RTN1: variants seen among roughly 807,000 people sequenced by gnomAD.
RTN1 encodes the protein reticulon-1.
RTN1 carries 25 observed loss-of-function variants against 65.5 expected under a neutral mutation model. The ratio of observed to expected loss-of-function variants is 0.38; its 90% CI spans 0.28 to 0.53. The LOEUF (loss-of-function observed/expected upper bound fraction) is 0.53. RTN1 is among the 20% of genes least tolerant of loss of function. RTN1 has a pLI of 0.79. For synonymous variants in RTN1, 471 were observed against 447.6 expected, an observed-to-expected ratio of 1.05 and a Z score of -0.66; for missense variants, 983 against 1,025.4, an observed-to-expected ratio of 0.96 and a Z score of 0.57.
intron 1 of RTN1, among the ~76,000 whole-genome samples, chr14:59,779,873 G>A (rs922378994): frequency 2.0e-5 from 3 of 152,122 alleles, no homozygotes; most frequent in Non-Finnish European, 2.9e-5. Flanking sequence ...TGCAGTCTCA[G>A]AGGAGACCAT....
chr14:59,862,149 T>G (rs928731521), intron 1 of RTN1, among the ~76,000 whole-genome samples: 5 of 152,234 alleles, frequency 3.3e-5, no homozygotes, highest in African/African-American at 9.6e-5. Flanking sequence ...CTATACATAT[T>G]AAATAGAATT....
intron 3 of RTN1, among the ~76,000 whole-genome samples, chr14:59,721,637 C>A (rs754050765): frequency 6.5e-4 from 99 of 152,306 alleles, no homozygotes; most frequent in Non-Finnish European, 1.1e-3. Flanking sequence ...TCCTTGCTAG[C>A]TTAAAGAAAT....
chr14:59,669,376 G>A (rs997622588), intron 3 of RTN1, among the ~76,000 whole-genome samples: 2 of 151,954 alleles, frequency 1.3e-5, no homozygotes, highest in African/African-American at 2.4e-5. Flanking sequence ...AACACTGCAT[G>A]TTCTCACTCA....
At chr14:59,754,201 T>G (rs1054914861) in intron 1 of RTN1, among the ~76,000 whole-genome samples, 1 of 152,172 alleles carries the variant, frequency 6.6e-6, no homozygotes, top group South Asian at 2.1e-4. Context: ...AATCCCAATA[T>G]GTGTTGATAA....
At chr14:59,654,851 A>G (rs1419094912) in intron 3 of RTN1, among the ~76,000 whole-genome samples, 2 of 152,228 alleles carry the variant, frequency 1.3e-5, no homozygotes, top group African/African-American at 4.8e-5. Context: ...ACTCATGGCA[A>G]TTATGATATT....
intron 4 of RTN1, among the ~76,000 whole-genome samples, chr14:59,606,465 T>C (rs1490751493): frequency 6.6e-6 from 1 of 152,058 alleles, no homozygotes; most frequent in Non-Finnish European, 1.5e-5. Flanking sequence ...TTAGTGCCCT[T>C]AGAAAAGAGG....
At chr14:59,722,079 T>C (rs1884659924) in intron 3 of RTN1, among the ~76,000 whole-genome samples, 1 of 152,206 alleles carries the variant, frequency 6.6e-6, no homozygotes. Context: ...TGCTATAGCA[T>C]TTCTATGGGA....
chr14:59,748,915 G>A (rs186266339), intron 1 of RTN1, among the ~76,000 whole-genome samples: 16 of 151,590 alleles, frequency 1.1e-4, no homozygotes, highest in African/African-American at 3.6e-4. Context: ...TCAGCCTCCC[G>A]AATAGCTGAG....
intron 1 of RTN1, among the ~76,000 whole-genome samples, chr14:59,749,438 CTATATCTATA>C (rs1267108125): frequency 8.3e-5 from 8 of 96,084 alleles, no homozygotes; most frequent in East Asian, 5.7e-4. Flanking sequence ...CTATATATAT[CTATATCTATA>C]TATATCTATA....
chr14:59,840,791 A>G (rs538354743), intron 1 of RTN1, among the ~76,000 whole-genome samples: 9 of 152,206 alleles, frequency 5.9e-5, no homozygotes, highest in Non-Finnish European at 1.0e-4. Context: ...AGCCAAACTG[A>G]TAGGCTCTGA....
chr14:59,777,312 C>T (rs1227571409), intron 1 of RTN1, among the ~76,000 whole-genome samples: 2 of 152,166 alleles, frequency 1.3e-5, no homozygotes, highest in African/African-American at 4.8e-5. Context: ...GTTTGTCTTT[C>T]TTCTTTACCC....
chr14:59,745,570 A>G (rs1885199088), intron 2 of RTN1, 138 bp downstream of exon 2: 4 of 666,098 alleles, frequency 6.0e-6, no homozygotes, highest in Non-Finnish European at 9.6e-6. Flanking sequence ...TAATTAAATT[A>G]GTTAAACTAA....
chr14:59,673,144 C>CCA (rs1883546759), intron 3 of RTN1, among the ~76,000 whole-genome samples: 1 of 152,150 alleles, frequency 6.6e-6, no homozygotes, highest in Non-Finnish European at 1.5e-5. Flanking sequence ...GGTAATGTTA[C>CCA]AGGATCCCTT....
At chr14:59,661,066 A>T (rs1883233915) in intron 3 of RTN1, among the ~76,000 whole-genome samples, 1 of 152,072 alleles carries the variant, frequency 6.6e-6, no homozygotes, top group African/African-American at 2.4e-5. Context: ...GTCACCACTG[A>T]TCCCACAGAA....
rs189799474 is a variant in RTN1, at chr14:59,740,849, G to C, written c.1015+4859C>G. 9.1e-4 allele frequency among the ~76,000 whole-genome samples: 138 copies of C among 152,244 alleles called. 1 individual carries two copies. The highest frequency in any genetic ancestry group is 3.2e-3 in the African/African-American group (133 of 41,536). On this transcript the variant is annotated intron_variant, in intron 2 of 8. Transcript: ENST00000267484. ...AATTTCAAAGGCCCTCTAAGATATT[G>C]GTTATTACGTATCAAGACTGACACT...
At chr14:59,800,936 T>C (rs1433065743) in intron 1 of RTN1, among the ~76,000 whole-genome samples, 1 of 149,988 alleles carries the variant, frequency 6.7e-6, no homozygotes, top group Non-Finnish European at 1.5e-5. Flanking sequence ...ATGCTGGAAA[T>C]AAAAGATGTA....
intron 3 of RTN1, among the ~76,000 whole-genome samples, chr14:59,668,090 T>C (rs902013261): frequency 2.6e-4 from 40 of 152,124 alleles, no homozygotes; most frequent in Admixed American, 2.6e-3. Context: ...CTTCACAGAA[T>C]TGGAAAAAAC....
At position 59,656,468 on chromosome 14, in the gene RTN1, C is replaced by T. The variant is rs116909553; in HGVS notation, c.1766-48976G>A. Among the ~76,000 whole-genome samples the T allele has an allele frequency of 3.1e-3, 471 of 152,302 alleles. 1 individual carries two copies. The highest frequency in any genetic ancestry group is 4.7e-3 in the Admixed American group (72 of 15,306). On this transcript the variant is annotated intron_variant, in intron 3 of 8. Transcript: ENST00000267484. ...ACAAGGCTTGGTGAACAGAGTGAGCCGGAGTCAAGCTTCACTTGCCATCTT... is the reference window on the plus strand; with the variant it reads ...ACAAGGCTTGGTGAACAGAGTGAGCTGGAGTCAAGCTTCACTTGCCATCTT...
chr14:59,692,170 AC>A (rs1883975827), intron 3 of RTN1, among the ~76,000 whole-genome samples: 1 of 152,206 alleles, frequency 6.6e-6, no homozygotes, highest in Non-Finnish European at 1.5e-5. Context: ...ATGATTCCAT[AC>A]CTAGAAAACC....
Sources: gnomAD v4.1 joint callset for allele counts (sites outside exome capture counted in the v4.1 genomes callset) on GRCh38, gnomAD v4.1.1 for gene constraint, MANE v1.5 for transcripts, NCBI Gene and HGNC (gene_info 2026-07-23, HGNC 2026-07-21) for gene names.